The following SMR3A variants were observed in gnomAD, a reference collection of about 807,000 sequenced individuals.
SMR3A encodes the protein submaxillary gland androgen regulated protein 3A, also known as submaxillary gland androgen-regulated protein 3A.
For missense variants in SMR3A, 188 were observed against 163.0 expected, an observed-to-expected ratio of 1.15 and a Z score of -0.84; for synonymous variants, 48 against 57.4, an observed-to-expected ratio of 0.84 and a Z score of 0.74.
rs149268035 is a variant in SMR3A, at chr4:70,366,652, G to C, written c.63G>C (p.Glu21Asp). 2.0e-5 allele frequency: 32 copies of C among 1,604,676 alleles called. No homozygotes were observed. The highest frequency in any genetic ancestry group is 2.6e-5 in the Non-Finnish European group (30 of 1,174,970). ...CTTCTTTGTTTCCACAGCCTGGTGAGAGTCAAAGAGGCCCCAGGGGACCAT... is the reference window on the plus strand; with the variant it reads ...CTTCTTTGTTTCCACAGCCTGGTGACAGTCAAAGAGGCCCCAGGGGACCAT... Reference protein sequence around the residue: ...WALAACFTPGESQRGPRGPYP... With the variant: ...WALAACFTPGDSQRGPRGPYP... Residue 21 changes from glutamate to aspartate, a missense_variant, in exon 3 of 3, where the codon GAG becomes GAC. Glu to Asp is a conservative substitution (Grantham distance 45). Coordinates refer to ENST00000226460, the MANE Select transcript of SMR3A (RefSeq NM_012390.4).
chr4:70,365,658 C>T (rs567856075), intron 2 of SMR3A, among the ~76,000 whole-genome samples: 1 of 152,016 alleles, frequency 6.6e-6, no homozygotes, highest in African/African-American at 2.4e-5. Flanking sequence ...TTTATCCCCC[C>T]CTGTATTGTA....
rs762437596 is a variant in SMR3A at position 70,362,085 on chromosome 4, AT to A, written c.-14-15del. The A allele has an allele frequency of 1.1e-5, 17 of 1,590,934 alleles. No homozygotes were observed. The East Asian group carries it at 3.2e-4, about 30-fold the overall frequency. Reference sequence around the variant, plus strand: ...TAAAAAACAATCATACTGATCACCTATTGTGCTTACTTTCAGAGGCAACTGA... The same window carrying A: ...TAAAAAACAATCATACTGATCACCTATGTGCTTACTTTCAGAGGCAACTGA... On this transcript the variant is annotated splice_polypyrimidine_tract_variant and intron_variant, in intron 1 of 2. Coordinates refer to ENST00000226460, the MANE Select transcript of SMR3A (RefSeq NM_012390.4).
chr4:70,363,313 T>G (rs1487223969), intron 2 of SMR3A, among the ~76,000 whole-genome samples: 1 of 151,964 alleles, frequency 6.6e-6, no homozygotes, highest in Non-Finnish European at 1.5e-5. Flanking sequence ...TAATAATTAC[T>G]GAACATTGGA....
At position 70,360,796 on chromosome 4, in the gene SMR3A, T is replaced by C. The variant is rs1325184939; in HGVS notation, c.-61T>C. 6.6e-6 allele frequency: 1 copy of C among 151,948 alleles called. No homozygotes were observed. Among genetic ancestry groups the C allele is most frequent in the African/African-American group, 2.4e-5 (1 of 41,412 alleles). The allele number at this position is 151,948 out of a possible 1,614,324, so 9.4% of individuals were successfully genotyped here. ...TCTGTCTTTCAACTGGCAAGAGTCA[T>C]TTTGACCAGCAGGTTAATCAACTCT... On this transcript the variant is annotated 5_prime_UTR_variant, in exon 1 of 3. Coordinates refer to ENST00000226460, the MANE Select transcript of SMR3A (RefSeq NM_012390.4).
chr4:70,361,060 T>C (rs942295669), intron 1 of SMR3A, among the ~76,000 whole-genome samples: 9 of 151,886 alleles, frequency 5.9e-5, no homozygotes, highest in South Asian at 4.2e-4. Context: ...AAGTACACAA[T>C]TGACTTTTCC....
intron 2 of SMR3A, among the ~76,000 whole-genome samples, chr4:70,365,198 T>G (rs182308725): frequency 2.6e-4 from 40 of 152,168 alleles, no homozygotes; most frequent in African/African-American, 8.9e-4. Flanking sequence ...AGAACTGATC[T>G]CTTTAAATCC....
At chr4:70,363,681 C>T (rs994950206) in intron 2 of SMR3A, among the ~76,000 whole-genome samples, 1 of 151,718 alleles carries the variant, frequency 6.6e-6, no homozygotes, top group Non-Finnish European at 1.5e-5. Flanking sequence ...CTTATCACTG[C>T]GATTGGGTTA....
In SMR3A at chr4:70,367,123, A is replaced by G; in HGVS notation, c.*129A>G. 12 of 787,766 alleles carry G rather than the reference A, an allele frequency of 1.5e-5. No individual in the cohort carries two copies. In the South Asian group the frequency reaches 2.0e-4, roughly 13 times the overall value. The allele number at this position is 787,766 out of a possible 1,614,324, so 48.8% of individuals were successfully genotyped here. ...GAGACTTTTAGATAAAATCACTTCC[A>G]TTTTTGGATGAGAATAAAGATTTCC... is the stretch of plus-strand genomic sequence containing the variant. On this transcript the variant is annotated 3_prime_UTR_variant, in exon 3 of 3. Transcript: ENST00000226460.
At chr4:70,361,953 A>C in intron 1 of SMR3A, 149 bp from the exon 2 acceptor site, 2 of 1,302,034 alleles carry the variant, frequency 1.5e-6, no homozygotes, top group Middle Eastern at 2.8e-4. Context: ...TCCCACAGTA[A>C]TACTGAATCC....
intron 2 of SMR3A, among the ~76,000 whole-genome samples, chr4:70,362,412 T>A (rs940503774): frequency 1.3e-5 from 2 of 151,852 alleles, no homozygotes; most frequent in Non-Finnish European, 2.9e-5. Flanking sequence ...ATTAAACAGA[T>A]AAGTATAAAT....
At chr4:70,362,438 C>A (rs555216851) in intron 2 of SMR3A, among the ~76,000 whole-genome samples, 6 of 151,774 alleles carry the variant, frequency 4.0e-5, no homozygotes, top group Non-Finnish European at 8.8e-5. Context: ...TCCCCATACT[C>A]TAGCAATTAC....
At chr4:70,361,114 T>A (rs1393824149) in intron 1 of SMR3A, among the ~76,000 whole-genome samples, 1 of 151,948 alleles carries the variant, frequency 6.6e-6, no homozygotes, top group Non-Finnish European at 1.5e-5. Flanking sequence ...AATGATAGAT[T>A]ATTCTCAGAT....
At chr4:70,360,896 C>T (rs1252248114) in intron 1 of SMR3A, 54 bp downstream of exon 1, 1 of 151,834 alleles carries the variant, frequency 6.6e-6, no homozygotes, top group East Asian at 1.9e-4. Flanking sequence ...TTTTCATGAG[C>T]TTTTTATAGG....
At chr4:70,361,098 C>T (rs1732138579) in intron 1 of SMR3A, among the ~76,000 whole-genome samples, 1 of 147,884 alleles carries the variant, frequency 6.8e-6, no homozygotes, top group Non-Finnish European at 1.5e-5. Context: ...GTTCTTGAAA[C>T]TTCATAATGA....
intron 2 of SMR3A, among the ~76,000 whole-genome samples, chr4:70,363,574 A>G (rs1182019575): frequency 2.6e-5 from 4 of 151,996 alleles, no homozygotes; most frequent in Admixed American, 1.3e-4. Flanking sequence ...GTAGGAGATT[A>G]ACATTAATTA....
At position 70,366,691 on chromosome 4, in the gene SMR3A, A is replaced by G. The variant is rs958492095; in HGVS notation, c.102A>G (p.Pro34=). 6 of 1,613,060 alleles carry G rather than the reference A, an allele frequency of 3.7e-6. No individual in the cohort carries two copies. In the African/African-American group the frequency reaches 4.0e-5, roughly 11 times the overall value. ...RGPRGPYPPG[P]LAPPPPPCFP... ...CCAGGGGACCATATCCACCTGGACC[A>G]CTGGCTCCTCCTCCTCCACCATGTT... is the stretch of plus-strand genomic sequence containing the variant. The change falls in exon 3 of 3, where the codon CCA becomes CCG. Residue 34 remains proline (P), a synonymous_variant. Transcript: ENST00000226460.
At position 70,362,102 on chromosome 4, in the gene SMR3A, A is replaced by G; in HGVS notation, c.-14A>G. ...GATCACCTATTGTGCTTACTTTCAG[A>G]GGCAACTGAAAGGATGAAATCACTG... On this transcript the variant is annotated splice_region_variant and 5_prime_UTR_variant, in exon 2 of 3. Transcript: ENST00000226460. 6.2e-7 allele frequency: 1 copy of G among 1,611,478 alleles called. No homozygotes were observed.
intron 2 of SMR3A, among the ~76,000 whole-genome samples, chr4:70,365,006 A>G (rs969702692): frequency 2.6e-5 from 4 of 152,040 alleles, no homozygotes; most frequent in African/African-American, 9.7e-5. Flanking sequence ...TGTGCCCTAT[A>G]TAAACCATCT....
chr4:70,363,195 T>C (rs537946887), intron 2 of SMR3A, among the ~76,000 whole-genome samples: 3 of 152,078 alleles, frequency 2.0e-5, no homozygotes, highest in Admixed American at 6.6e-5. Flanking sequence ...GCTTTTATTA[T>C]ACAAATAGTA....
Sources: allele counts gnomAD v4.1 joint callset (sites outside exome capture counted in the v4.1 genomes callset), GRCh38; gene constraint gnomAD v4.1.1; transcripts MANE v1.5; gene names NCBI Gene and HGNC (gene_info 2026-07-23, HGNC 2026-07-21).